SBF2: variants seen among roughly 807,000 people sequenced by gnomAD.
The protein encoded by SBF2 is SET binding factor 2, also known as myotubularin-related protein 13.
In SBF2, 112 loss-of-function variants were observed where a neutral mutation model predicts 225.2. That is an observed-to-expected ratio of 0.50 (90% CI 0.43 to 0.58). The LOEUF is 0.58. Ranked by LOEUF, SBF2 falls within the 20% of genes least tolerant of loss-of-function variation. The probability of loss-of-function intolerance (pLI) is 0.00; values close to 1 mark genes in which losing one functional copy is unlikely to be tolerated. For synonymous variants in SBF2, 763 were observed against 773.3 expected (o/e 0.99, Z 0.22); for missense variants, 1,996 against 2,206.2 (o/e 0.90, Z 1.91).
intron 2 of SBF2, among the ~76,000 whole-genome samples, chr11:10,160,878 T>C (rs1339643781): frequency 6.6e-6 from 1 of 152,102 alleles, no homozygotes; most frequent in Admixed American, 6.6e-5. Context: ...CGTGTACCAC[T>C]TCCTCCATAA....
intron 2 of SBF2, among the ~76,000 whole-genome samples, chr11:10,066,596 CA>C (rs1263795781): frequency 6.6e-6 from 1 of 152,134 alleles, no homozygotes; most frequent in Non-Finnish European, 1.5e-5. Context: ...ACTCTGAGTA[CA>C]CTAGGAGAAA....
At chr11:10,213,162 C>A (rs772688689) in intron 1 of SBF2, among the ~76,000 whole-genome samples, 12 of 152,128 alleles carry the variant, frequency 7.9e-5, no homozygotes, top group Non-Finnish European at 1.8e-4. Context: ...GAGAAGACAG[C>A]CAGTACAGTA....
At chr11:10,127,977 T>C (rs1953839545) in intron 2 of SBF2, among the ~76,000 whole-genome samples, 1 of 152,224 alleles carries the variant, frequency 6.6e-6, no homozygotes, top group African/African-American at 2.4e-5. Context: ...CTATACTTTA[T>C]AACATTATGT....
intron 5 of SBF2, among the ~76,000 whole-genome samples, chr11:10,028,758 G>T (rs1239637643): frequency 6.6e-6 from 1 of 152,180 alleles, no homozygotes; most frequent in Non-Finnish European, 1.5e-5. Flanking sequence ...GTGGCTGAAA[G>T]TTGAAAATCT....
intron 1 of SBF2, among the ~76,000 whole-genome samples, chr11:10,300,540 T>TA (rs971385384): frequency 8.6e-5 from 13 of 151,494 alleles, no homozygotes; most frequent in Non-Finnish European, 1.2e-4. Flanking sequence ...TATACATATA[T>TA]AAAATAATTG....
chr11:10,298,763 C>T (rs1356192977), upstream of SBF2, among the ~76,000 whole-genome samples: 2 of 152,238 alleles, frequency 1.3e-5, no homozygotes, highest in Non-Finnish European at 2.9e-5. Flanking sequence ...ACATTCATCA[C>T]TCAGTCCTAT....
At chr11:9,983,877 G>C (rs1272845011) in intron 13 of SBF2, among the ~76,000 whole-genome samples, 1 of 152,072 alleles carries the variant, frequency 6.6e-6, no homozygotes, top group East Asian at 1.9e-4. Context: ...AGGAAAAGAG[G>C]GAGAGTACTA....
At chr11:10,187,598 C>T (rs939876783) in intron 2 of SBF2, among the ~76,000 whole-genome samples, 3 of 145,202 alleles carry the variant, frequency 2.1e-5, no homozygotes, top group Admixed American at 1.4e-4. Context: ...AATAAACTCA[C>T]TTTTTTTTTT....
At chr11:9,979,700 A>G (rs1177919593) in intron 13 of SBF2, among the ~76,000 whole-genome samples, 1 of 152,180 alleles carries the variant, frequency 6.6e-6, no homozygotes, top group Non-Finnish European at 1.5e-5. Flanking sequence ...TGTGTGATGT[A>G]TTTAGAAATC....
intron 17 of SBF2, among the ~76,000 whole-genome samples, chr11:9,865,940 A>G (rs1433849946): frequency 6.6e-6 from 1 of 152,072 alleles, no homozygotes; most frequent in African/African-American, 2.4e-5. Flanking sequence ...ATTATTTCCA[A>G]CTGTTTGCTA....
chr11:9,929,188 T>C (rs1424376657), intron 16 of SBF2: 1 of 196,060 alleles, frequency 5.1e-6, no homozygotes, highest in Non-Finnish European at 1.0e-5. Flanking sequence ...GACCATTCTA[T>C]GGTCATTTGG....
rs940870179 is a variant in SBF2 at position 9,787,792 on chromosome 11, C to A, written c.4933-54G>T. On this transcript the variant is annotated intron_variant, in intron 35 of 39. Coordinates refer to ENST00000256190, the MANE Select transcript of SBF2 (RefSeq NM_030962.4). ...AGTATTTCATAGAAATCAGGATGGG[C>A]CCCAAAGCCACACTGCTTCTGTACT... 1.0e-5 allele frequency: 15 copies of A among 1,466,054 alleles called. No homozygotes were observed. In the Admixed American group the frequency reaches 1.2e-4, roughly 12 times the overall value. The allele number at this position is 1,466,054 out of a possible 1,614,324, so 90.8% of individuals were successfully genotyped here. A position where few individuals can be genotyped will look rare whatever the true frequency, so the allele number is the denominator to read the frequency against.
chr11:9,926,722 T>A (rs1294083952), intron 16 of SBF2, among the ~76,000 whole-genome samples: 2 of 152,252 alleles, frequency 1.3e-5, no homozygotes, highest in South Asian at 4.1e-4. Flanking sequence ...ACATATTATA[T>A]AAAAATTTGT....
intron 9 of SBF2, among the ~76,000 whole-genome samples, chr11:9,994,493 G>C (rs1443984899): frequency 6.9e-6 from 1 of 145,132 alleles, no homozygotes; most frequent in African/African-American, 2.5e-5. Context: ...AAAAAGAAAA[G>C]AAAACATGTT....
chr11:9,842,732 G>A lies in SBF2; in HGVS notation c.3149C>T (p.Ala1050Val). ...TTGCCGCCCAATTGTCATTTTCCCT[G>A]CCCTTTTGGCACCTTTCACAATTGT... The part of the protein sequence containing the change: ...SKTIVKGAKR[A>V]GKMTIGRQYL... Residue 1050 changes from alanine to valine, a missense_variant, in exon 25 of 40, where the codon GCA becomes GTA. Transcript: ENST00000256190. 1 of 1,613,894 alleles carries A rather than the reference G, an allele frequency of 6.2e-7. No homozygotes were observed. Among genetic ancestry groups the A allele is most frequent in the Non-Finnish European group, 8.5e-7 (1 of 1,179,950 alleles).
At chr11:10,001,109 A>C (rs1245279377) in intron 7 of SBF2, 87 bp from the exon 8 acceptor site, 1 of 736,710 alleles carries the variant, frequency 1.4e-6, no homozygotes, top group Non-Finnish European at 2.4e-6. Flanking sequence ...TAAGTTTTAT[A>C]TTACCTATGT....
At chr11:10,157,158 G>T (rs1381087827) in intron 2 of SBF2, among the ~76,000 whole-genome samples, 3 of 152,108 alleles carry the variant, frequency 2.0e-5, no homozygotes, top group African/African-American at 2.4e-5. Flanking sequence ...ACAAAAACAA[G>T]CCCTGGGGAA....
At chr11:9,822,515 C>A (rs1854824644) in intron 28 of SBF2, among the ~76,000 whole-genome samples, 1 of 152,188 alleles carries the variant, frequency 6.6e-6, no homozygotes, top group Admixed American at 6.5e-5. Context: ...CCGCCTCGGC[C>A]TCCCAAAGTG....
chr11:9,984,458 T>G (rs774567546), intron 13 of SBF2, among the ~76,000 whole-genome samples: 1 of 152,062 alleles, frequency 6.6e-6, no homozygotes, highest in Non-Finnish European at 1.5e-5. Context: ...CTAAGAATAA[T>G]CGCTGTATCT....
Sources: gnomAD v4.1 joint callset for allele counts (sites outside exome capture counted in the v4.1 genomes callset) on GRCh38, gnomAD v4.1.1 for gene constraint, MANE v1.5 for transcripts, NCBI Gene and HGNC (gene_info 2026-07-23, HGNC 2026-07-21) for gene names.